JAM2: variants seen among roughly 807,000 people sequenced by gnomAD.
The protein encoded by JAM2 is junctional adhesion molecule B.
A neutral mutation model predicts 42.0 loss-of-function variants in JAM2; 17 were observed. The observed-to-expected ratio is 0.40, with a 90% CI of 0.28 to 0.61. The LOEUF is 0.61. Among genes scored for constraint, JAM2 ranks in the 20% least tolerant of loss-of-function variants. The pLI, the probability that JAM2 is intolerant of heterozygous loss-of-function variation, is 0.37. For missense variants in JAM2, 319 were observed against 358.3 expected (o/e 0.89, Z 0.89); for synonymous variants, 118 against 128.6 (o/e 0.92, Z 0.56).
At chr21:25,695,193 T>A (rs1380049141) in intron 4 of JAM2, among the ~76,000 whole-genome samples, 3 of 152,158 alleles carry the variant, frequency 2.0e-5, no homozygotes, top group Non-Finnish European at 4.4e-5. Flanking sequence ...TTAAGGAGCA[T>A]GCTGCCTTCA....
At chr21:25,670,681 A>G (rs1015650148) in intron 1 of JAM2, among the ~76,000 whole-genome samples, 3 of 152,178 alleles carry the variant, frequency 2.0e-5, no homozygotes, top group Non-Finnish European at 4.4e-5. Context: ...GATGTGTAGG[A>G]CTAGTTTTGA....
At chr21:25,682,045 C>T (rs576993126) in intron 1 of JAM2, among the ~76,000 whole-genome samples, 1 of 152,316 alleles carries the variant, frequency 6.6e-6, no homozygotes, top group South Asian at 2.1e-4. Flanking sequence ...TTTGATCCGA[C>T]CTCATTTACT....
intron 4 of JAM2, among the ~76,000 whole-genome samples, chr21:25,698,416 C>G (rs1216897953): frequency 6.6e-6 from 1 of 152,164 alleles, no homozygotes; most frequent in Admixed American, 6.5e-5. Context: ...CTTTTTCCCA[C>G]ATTCCATTGG....
At chr21:25,685,453 A>C in intron 2 of JAM2, among the ~76,000 whole-genome samples, 1 of 137,288 alleles carries the variant, frequency 7.3e-6, no homozygotes, top group East Asian at 2.3e-4. Context: ...TGAGTGCAGG[A>C]GTTTGAGGCT....
chr21:25,688,919 T>G (rs73335945), intron 2 of JAM2, among the ~76,000 whole-genome samples: 1,990 of 152,248 alleles, frequency 0.013, 51 homozygotes, highest in African/African-American at 0.045. Flanking sequence ...GAATTGACAT[T>G]CTAGAGAGCC....
At chr21:25,651,061 CAAAAAAA>C (rs35308745) in intron 1 of JAM2, among the ~76,000 whole-genome samples, 929 of 71,090 alleles carry the variant, frequency 0.013, 6 homozygotes, top group African/African-American at 0.045. Context: ...CTCCCCCCGC[CAAAAAAA>C]AAAAAAAAAA....
chr21:25,711,486 T>C (rs1299241829), intron 8 of JAM2: 1 of 440,166 alleles, frequency 2.3e-6, no homozygotes, highest in South Asian at 1.6e-5. Context: ...AGACAGTTTG[T>C]CATCTCCTAA....
intron 7 of JAM2, 70 bp downstream of exon 7, chr21:25,706,156 T>G: frequency 2.0e-6 from 2 of 986,154 alleles, no homozygotes; most frequent in Non-Finnish European, 3.3e-6. Context: ...GAGATACTGT[T>G]TCTCCTAGGA....
At chr21:25,714,392 T>C in intron 9 of JAM2, 1 of 446,706 alleles carries the variant, frequency 2.2e-6, no homozygotes. Context: ...CAGTTCCAGC[T>C]GCTTGGGAGA....
At chr21:25,688,060 A>G (rs2033789396) in intron 2 of JAM2, among the ~76,000 whole-genome samples, 1 of 152,252 alleles carries the variant, frequency 6.6e-6, no homozygotes, top group South Asian at 2.1e-4. Flanking sequence ...GACAGTAAGT[A>G]CTCAACCTAT....
intron 1 of JAM2, among the ~76,000 whole-genome samples, chr21:25,664,701 T>A (rs2033174780): frequency 6.6e-6 from 1 of 152,252 alleles, no homozygotes; most frequent in African/African-American, 2.4e-5. Flanking sequence ...CATGGTTTCC[T>A]CTTGGACTTT....
Position 25,639,864 on chromosome 21 carries a change from C to A in JAM2, c.43C>A (p.Arg15Ser), listed in dbSNP as rs1159893005. The part of the protein sequence containing the change: ...SRHRLLLLLL[R>S]YLVVALGYHK... The stretch of plus-strand genomic sequence containing the variant: ...CCACCGCCTCCTCCTGCTGCTGCTG[C>A]GCTACCTGGTGGTCGCCCTGGGCTG... The change falls in exon 1 of 10, where the codon CGC becomes AGC. Residue 15 changes from arginine to serine, a missense_variant. Coordinates refer to ENST00000480456, the MANE Select transcript of JAM2 (RefSeq NM_021219.4). The A allele has an allele frequency of 2.5e-6, 4 of 1,594,766 alleles. No homozygotes were observed. In the African/African-American group the frequency reaches 5.4e-5, roughly 21 times the overall value.
At chr21:25,653,587 C>G (rs576773769) in intron 1 of JAM2, among the ~76,000 whole-genome samples, 122 of 152,246 alleles carry the variant, frequency 8.0e-4, no homozygotes, top group African/African-American at 2.9e-3. Context: ...AGGACAATGC[C>G]AAGTGAAGGG....
chr21:25,700,190 G>A (rs1307774581), intron 5 of JAM2, among the ~76,000 whole-genome samples: 1 of 151,856 alleles, frequency 6.6e-6, no homozygotes, highest in Non-Finnish European at 1.5e-5. Context: ...AGGAATAGAA[G>A]TGGAAGTTTA....
At chr21:25,697,389 C>T (rs777157636) in intron 4 of JAM2, among the ~76,000 whole-genome samples, 1 of 152,142 alleles carries the variant, frequency 6.6e-6, no homozygotes, top group Non-Finnish European at 1.5e-5. Flanking sequence ...GGGAGACCAC[C>T]TTAGAATTCT....
At chr21:25,679,369 T>C (rs1439015723) in intron 1 of JAM2, among the ~76,000 whole-genome samples, 1 of 152,244 alleles carries the variant, frequency 6.6e-6, no homozygotes, top group Non-Finnish European at 1.5e-5. Flanking sequence ...TTATAGTCTA[T>C]TGGTTTATTC....
At chr21:25,688,243 G>GGTGTGT (rs147927864) in intron 2 of JAM2, among the ~76,000 whole-genome samples, 1,818 of 149,800 alleles carry the variant, frequency 0.012, 26 homozygotes, top group Middle Eastern at 0.027. Context: ...CACCAGGAGG[G>GGTGTGT]GTGTGTGTGT....
intron 9 of JAM2, among the ~76,000 whole-genome samples, chr21:25,712,805 G>A (rs1024780949): frequency 2.0e-5 from 3 of 152,152 alleles, no homozygotes; most frequent in African/African-American, 4.8e-5. Flanking sequence ...CAGAGCTGTG[G>A]TTCTAGGACT....
chr21:25,647,912 TA>T (rs1475145338), intron 1 of JAM2, among the ~76,000 whole-genome samples: 3 of 152,196 alleles, frequency 2.0e-5, no homozygotes, highest in Admixed American at 6.5e-5. Flanking sequence ...TTATGTTTTT[TA>T]AAAAATGCAC....
Sources: gnomAD v4.1 joint callset for allele counts (sites outside exome capture counted in the v4.1 genomes callset) on GRCh38, gnomAD v4.1.1 for gene constraint, MANE v1.5 for transcripts, NCBI Gene and HGNC (gene_info 2026-07-23, HGNC 2026-07-21) for gene names.